KHDRBS2: variants seen among roughly 807,000 people sequenced by gnomAD.
KHDRBS2 encodes the protein KH RNA binding domain containing, signal transduction associated 2.
KHDRBS2 carries 26 observed loss-of-function variants against 44.3 expected under a neutral mutation model. The ratio of observed to expected loss-of-function variants is 0.59; its 90% CI spans 0.43 to 0.81. KHDRBS2 has a LOEUF of 0.81. Among genes scored for constraint, KHDRBS2 ranks in the 40% least tolerant of loss-of-function variants. KHDRBS2 has a pLI of 0.00. For synonymous variants in KHDRBS2, 194 were observed against 151.1 expected (o/e 1.28, Z -2.08); for missense variants, 476 against 433.1 (o/e 1.10, Z -0.88).
rs557500847 is a variant in KHDRBS2, at chr6:61,776,839, G to A, written c.811-44075C>T. On this transcript the variant is annotated intron_variant, in intron 6 of 8. Coordinates refer to ENST00000281156, the MANE Select transcript of KHDRBS2 (RefSeq NM_152688.4). Reference sequence around the variant, plus strand: ...TGCTGCTATAAAGTCACATGCACACGTATGTTTATAGTGGCACTATTCACA... The same window carrying A: ...TGCTGCTATAAAGTCACATGCACACATATGTTTATAGTGGCACTATTCACA... Among the ~76,000 whole-genome samples, 254 of 152,236 alleles carry A rather than the reference G, an allele frequency of 1.7e-3. 1 individual carries two copies. The highest frequency in any genetic ancestry group is 5.3e-3 in the African/African-American group (221 of 41,534).
At chr6:62,105,125 T>A (rs996968197) in intron 2 of KHDRBS2, among the ~76,000 whole-genome samples, 2 of 152,012 alleles carry the variant, frequency 1.3e-5, no homozygotes, top group African/African-American at 4.8e-5. Flanking sequence ...ATTAAAAAAA[T>A]GAGCTTTTAG....
intron 2 of KHDRBS2, among the ~76,000 whole-genome samples, chr6:62,051,000 A>G (rs1467045765): frequency 1.3e-5 from 2 of 152,072 alleles, no homozygotes; most frequent in African/African-American, 4.8e-5. Flanking sequence ...TTGAGAAGCC[A>G]GATATAAAAG....
intron 3 of KHDRBS2, among the ~76,000 whole-genome samples, chr6:62,042,013 C>A (rs1435771666): frequency 6.6e-6 from 1 of 151,936 alleles, no homozygotes; most frequent in Non-Finnish European, 1.5e-5. Flanking sequence ...CAAATCAAAC[C>A]TAATTAATTA....
chr6:61,930,530 AAAAAAAAAAAAAAAAG>A (rs1371620096), intron 4 of KHDRBS2, among the ~76,000 whole-genome samples: 736 of 29,234 alleles, frequency 0.025, 44 homozygotes, highest in Non-Finnish European at 0.045. Context: ...CCCTAAAAAA[AAAAAAAAAAAAAAAAG>A]AAAAAAAAAA....
At chr6:61,617,799 G>A in the KHDRBS2 span, among the ~76,000 whole-genome samples, 1 of 151,968 alleles carries the variant, frequency 6.6e-6, no homozygotes, top group Admixed American at 6.6e-5. Context: ...CCTATGTCGA[G>A]GCACTAGGTA....
At chr6:61,932,580 C>T (rs976324605) in intron 4 of KHDRBS2, among the ~76,000 whole-genome samples, 2 of 152,104 alleles carry the variant, frequency 1.3e-5, no homozygotes, top group African/African-American at 4.8e-5. Flanking sequence ...GCAGGCGGAT[C>T]ACGAGGTCAG....
At chr6:61,612,095 A>G in the KHDRBS2 span, among the ~76,000 whole-genome samples, 1 of 151,840 alleles carries the variant, frequency 6.6e-6, no homozygotes, top group Non-Finnish European at 1.5e-5. Flanking sequence ...CAAAAAGTAA[A>G]GTACTAGAAA....
intron 4 of KHDRBS2, among the ~76,000 whole-genome samples, chr6:61,971,690 T>C (rs1170936766): frequency 6.6e-6 from 1 of 152,058 alleles, no homozygotes; most frequent in Non-Finnish European, 1.5e-5. Context: ...GTAGATAAAT[T>C]ACCCTTGTTT....
intron 4 of KHDRBS2, among the ~76,000 whole-genome samples, chr6:61,918,635 G>A (rs1807464639): frequency 6.6e-6 from 1 of 151,922 alleles, no homozygotes; most frequent in Admixed American, 6.6e-5. Flanking sequence ...TGTTGTTTAA[G>A]CCACCCAGTC....
intron 1 of KHDRBS2, among the ~76,000 whole-genome samples, chr6:62,210,108 A>G (rs1400569270): frequency 6.6e-6 from 1 of 152,150 alleles, no homozygotes; most frequent in Non-Finnish European, 1.5e-5. Flanking sequence ...CATCCTAAGT[A>G]AGAAAAATTG....
intron 6 of KHDRBS2, among the ~76,000 whole-genome samples, chr6:61,787,480 G>A (rs1353033808): frequency 2.0e-5 from 3 of 151,646 alleles, no homozygotes; most frequent in Admixed American, 6.6e-5. Flanking sequence ...AATAAAAACC[G>A]TGGAGTAATT....
chr6:61,864,113 C>T (rs1327216427), intron 6 of KHDRBS2, among the ~76,000 whole-genome samples: 1 of 151,928 alleles, frequency 6.6e-6, no homozygotes, highest in Admixed American at 6.6e-5. Context: ...TGCGATCCCT[C>T]TTTTTTCCTG....
At chr6:62,147,092 CCTACAA>C (rs1814105642) in intron 2 of KHDRBS2, among the ~76,000 whole-genome samples, 1 of 151,750 alleles carries the variant, frequency 6.6e-6, no homozygotes, top group African/African-American at 2.4e-5. Context: ...TTTATTCAGC[CCTACAA>C]TTGGTTTCTG....
Position 62,240,638 on chromosome 6 carries a change from ATG to A in KHDRBS2, c.91+45218_91+45219del, listed in dbSNP as rs200811030. Among the ~76,000 whole-genome samples, 518 of 128,424 alleles carry A rather than the reference ATG, an allele frequency of 4.0e-3. 5 individuals are homozygous for A. The highest frequency in any genetic ancestry group is 4.8e-3 in the Non-Finnish European group (299 of 61,732). The allele number at this position is 128,424 out of a possible 152,430, so 84.3% of individuals were successfully genotyped here. On this transcript the variant is annotated intron_variant, in intron 1 of 8. Transcript: ENST00000281156. Reference sequence around the variant, plus strand: ...CATATACACATATGTACACACATATATGTGTGTGTGTATGTGTGTATGTATGT... The same window carrying A: ...CATATACACATATGTACACACATATATGTGTGTGTATGTGTGTATGTATGT...
chr6:61,845,745 C>T (rs1330417735), intron 6 of KHDRBS2, among the ~76,000 whole-genome samples: 1 of 152,182 alleles, frequency 6.6e-6, no homozygotes, highest in Non-Finnish European at 1.5e-5. Context: ...TCTGAGAAAG[C>T]CTCTCTATAC....
the KHDRBS2 span, among the ~76,000 whole-genome samples, chr6:61,606,573 T>C: frequency 6.6e-6 from 1 of 152,154 alleles, no homozygotes; most frequent in Admixed American, 6.5e-5. Flanking sequence ...TTTTATATCA[T>C]CTTGAGGTTA....
At position 61,686,493 on chromosome 6, in the gene KHDRBS2, G is replaced by A. The variant is rs572508559; in HGVS notation, c.953-5433C>T. On this transcript the variant is annotated intron_variant, in intron 8 of 8. Coordinates refer to ENST00000281156, the MANE Select transcript of KHDRBS2 (RefSeq NM_152688.4). ...TCCCAAAGAATATGTTAGGTTAGAT[G>A]TTTTGCTATTGTTGCAACTCACTAT... Among the ~76,000 whole-genome samples the A allele has an allele frequency of 5.9e-5, 9 of 151,756 alleles. No homozygotes were observed. The South Asian group carries it at 1.9e-3, about 31-fold the overall frequency.
intron 2 of KHDRBS2, among the ~76,000 whole-genome samples, chr6:62,131,796 G>A (rs1422122194): frequency 1.3e-5 from 2 of 152,172 alleles, no homozygotes; most frequent in Admixed American, 1.3e-4. Flanking sequence ...GATATGGAGA[G>A]AAGTAAATGA....
chr6:62,188,039 A>C (rs999056641), intron 1 of KHDRBS2, among the ~76,000 whole-genome samples: 1 of 151,888 alleles, frequency 6.6e-6, no homozygotes, highest in African/African-American at 2.4e-5. Context: ...GAGAGAGAGG[A>C]GGAGGGACCA....
Sources: gnomAD v4.1 joint callset for allele counts (sites outside exome capture counted in the v4.1 genomes callset) on GRCh38, gnomAD v4.1.1 for gene constraint, MANE v1.5 for transcripts, NCBI Gene and HGNC (gene_info 2026-07-23, HGNC 2026-07-21) for gene names.